The following SIRT2 variants were observed in gnomAD, a reference collection of about 807,000 sequenced individuals.
SIRT2 encodes NAD-dependent protein deacetylase sirtuin-2.
Under a neutral mutation model 57.4 loss-of-function variants are expected in SIRT2, and 40 were observed. The ratio of observed to expected loss-of-function variants is 0.70; its 90% confidence interval spans 0.54 to 0.91. The LOEUF is 0.91. Among genes scored for constraint, SIRT2 ranks in the 40% least tolerant of loss-of-function variants. SIRT2 has a pLI of 0.00. For synonymous variants in SIRT2, 161 were observed against 195.7 expected (o/e 0.82, Z 1.48); for missense variants, 439 against 510.4 (o/e 0.86, Z 1.35).
intron 2 of SIRT2, chr19:38,894,265 T>C (rs1205024904): frequency 4.3e-6 from 1 of 233,594 alleles, no homozygotes; most frequent in East Asian, 1.2e-4. Context: ...CCAGGCTCAT[T>C]TTTTGTTTGT....
At chr19:38,889,459 C>A in intron 7 of SIRT2, 1 of 660,040 alleles carries the variant, frequency 1.5e-6, no homozygotes, top group Non-Finnish European at 2.7e-6. Flanking sequence ...AGCCTCGCAG[C>A]AGCCCTCTTC....
chr19:38,883,144 G>A (rs1327923562), intron 9 of SIRT2, among the ~76,000 whole-genome samples: 1 of 147,476 alleles, frequency 6.8e-6, no homozygotes, highest in Non-Finnish European at 1.5e-5. Context: ...GCAATGGTGC[G>A]AACTCAGCTC....
intron 8 of SIRT2, among the ~76,000 whole-genome samples, chr19:38,885,887 C>T (rs1218684127): frequency 6.6e-6 from 1 of 152,152 alleles, no homozygotes; most frequent in African/African-American, 2.4e-5. Context: ...CTGCGCCCGG[C>T]CACTGTTTTC....
chr19:38,884,079 A>T (rs1973246832), intron 8 of SIRT2, among the ~76,000 whole-genome samples: 1 of 150,098 alleles, frequency 6.7e-6, no homozygotes, highest in East Asian at 2.0e-4. Context: ...CCTGAGCAAC[A>T]TATCAAGACG....
intron 2 of SIRT2, chr19:38,894,728 C>CT: frequency 2.2e-6 from 1 of 450,898 alleles, no homozygotes; most frequent in Non-Finnish European, 4.5e-6. Context: ...CCAGCAACCT[C>CT]TGTCTCCTTC....
intron 11 of SIRT2, 82 bp downstream of exon 11, chr19:38,881,018 G>GT: frequency 6.4e-7 from 1 of 1,551,516 alleles, no homozygotes. Flanking sequence ...CTTTCCTGAG[G>GT]CAGGGCCCAG....
chr19:38,882,207 A>T (rs930375884), intron 9 of SIRT2, among the ~76,000 whole-genome samples: 1 of 145,880 alleles, frequency 6.9e-6, no homozygotes, highest in Non-Finnish European at 1.5e-5. Flanking sequence ...TAGAGATGGG[A>T]TCTCCCTATG....
At position 38,879,722 on chromosome 19, in the gene SIRT2, T is replaced by C; in HGVS notation, c.877-20A>G. ...GTCCGACTGTCAGGGAGGGGGTGGG[T>C]CAGGGGCAGGAGCAGGGAAGGGAGA... On this transcript the variant is annotated intron_variant, in intron 13 of 15. Transcript: ENST00000249396. 1 of 1,553,398 alleles carries C rather than the reference T, an allele frequency of 6.4e-7. No individual in the cohort carries two copies. The highest frequency in any genetic ancestry group is 8.7e-7 in the Non-Finnish European group (1 of 1,146,542).
At chr19:38,892,217 G>A (rs1409454367) in intron 4 of SIRT2, among the ~76,000 whole-genome samples, 3 of 151,932 alleles carry the variant, frequency 2.0e-5, no homozygotes. Flanking sequence ...GCAACATGGT[G>A]AAACCCTGTC....
In SIRT2 at chr19:38,879,056, A is replaced by G; in HGVS notation, c.*99T>C. ...CTGTAAGAGATTGGGGGATGTTCTG[A>G]GCTCCCCAGACAAGAACTGCTGGTT... On this transcript the variant is annotated 3_prime_UTR_variant, in exon 16 of 16. Coordinates refer to ENST00000249396, the MANE Select transcript of SIRT2 (RefSeq NM_012237.4). The G allele has an allele frequency of 1.5e-6, 2 of 1,303,864 alleles. No individual in the cohort carries two copies. Among genetic ancestry groups the G allele is most frequent in the Non-Finnish European group, 2.1e-6 (2 of 963,486 alleles). 80.8% of individuals were successfully genotyped at this position (1,303,864 alleles called of 1,614,324 possible). A position where few individuals can be genotyped will look rare whatever the true frequency, so the allele number is the denominator to read the frequency against.
At chr19:38,887,995 C>A (rs1973397186) in intron 8 of SIRT2, among the ~76,000 whole-genome samples, 1 of 152,130 alleles carries the variant, frequency 6.6e-6, no homozygotes, top group South Asian at 2.1e-4. Flanking sequence ...ACCTCGTGAT[C>A]TGCCCACCTC....
chr19:38,899,443 G>C, intron 1 of SIRT2, 63 bp downstream of exon 1: 1 of 1,599,256 alleles, frequency 6.3e-7, no homozygotes, highest in Non-Finnish European at 8.5e-7. Flanking sequence ...TGGGCCCCGG[G>C]GCCTGCAGCA....
In SIRT2 at chr19:38,879,328, A is replaced by G. The variant is rs200428609; in HGVS notation, c.1015-18T>C. ...AGCTCCTTCTGCAGGAGCAAAGGTC[A>G]CAGAAGTCAAAGGTCACTGTGCATC... is the stretch of plus-strand genomic sequence containing the variant. On this transcript the variant is annotated intron_variant, in intron 15 of 15. Transcript: ENST00000249396. 1.5e-5 allele frequency: 25 copies of G among 1,613,084 alleles called. No individual in the cohort carries two copies. The highest frequency in any genetic ancestry group is 1.6e-4 in the Middle Eastern group (1 of 6,078).
intron 8 of SIRT2, among the ~76,000 whole-genome samples, chr19:38,887,650 TC>T (rs1973384767): frequency 6.6e-6 from 1 of 152,178 alleles, no homozygotes; most frequent in African/African-American, 2.4e-5. Flanking sequence ...AGCCAGTTGT[TC>T]CTCCCCCTGG....
chr19:38,899,602 C>T lies in SIRT2; in HGVS notation c.-81G>A. On this transcript the variant is annotated 5_prime_UTR_variant, in exon 1 of 16. Coordinates refer to ENST00000249396, the MANE Select transcript of SIRT2 (RefSeq NM_012237.4). ...CCACTGTGTCCCGTCACCGACTGCT[C>T]TGTCCTGTCACCGACTGCTCTGTCC... The T allele has an allele frequency of 1.3e-6, 2 of 1,584,828 alleles. No individual in the cohort carries two copies. Among genetic ancestry groups the T allele is most frequent in the Non-Finnish European group, 1.7e-6 (2 of 1,154,288 alleles).
chr19:38,899,597 C>A lies in SIRT2; in HGVS notation c.-76G>T. 1 of 1,590,008 alleles carries A rather than the reference C, an allele frequency of 6.3e-7. No homozygotes were observed. The highest frequency in any genetic ancestry group is 8.6e-7 in the Non-Finnish European group (1 of 1,158,796). ...ACCAACCACTGTGTCCCGTCACCGA[C>A]TGCTCTGTCCTGTCACCGACTGCTC... On this transcript the variant is annotated 5_prime_UTR_variant, in exon 1 of 16. Coordinates refer to ENST00000249396, the MANE Select transcript of SIRT2 (RefSeq NM_012237.4).
At chr19:38,889,217 A>G in intron 7 of SIRT2, 62 bp from the exon 8 acceptor site, 1 of 1,480,962 alleles carries the variant, frequency 6.8e-7, no homozygotes, top group Non-Finnish European at 9.4e-7. Context: ...CCACTGCCGC[A>G]TGCCAGGAAC....
chr19:38,879,534 G>C, intron 14 of SIRT2, 34 bp from the exon 15 acceptor site: 4 of 1,581,312 alleles, frequency 2.5e-6, no homozygotes, highest in Non-Finnish European at 3.4e-6. Context: ...GTTCCCAGGC[G>C]GGCTCGCCCC....
Position 38,880,870 on chromosome 19 carries a change from C to A in SIRT2, c.775G>T (p.Val259Phe). The change falls in exon 12 of 16, where the codon GTC becomes TTC. Residue 259 changes from valine to phenylalanine, a missense_variant. Transcript: ENST00000249396. The surrounding 1 kb of genome is among the most constrained non-coding windows in gnomAD (Gnocchi z 4.1). ...TGCACCTGCAAGGAGGTACCCATGA[C>A]CAGGAGGAGGTCCACCTTCAGGAAG... ...SDFLKVDLLLVMGTSLQVQPF... is the reference protein window; with the variant it reads ...SDFLKVDLLLFMGTSLQVQPF... 6.2e-7 allele frequency: 1 copy of A among 1,613,802 alleles called. No individual in the cohort carries two copies. Among genetic ancestry groups the A allele is most frequent in the South Asian group, 1.1e-5 (1 of 91,064 alleles).
Sources: gnomAD v4.1 joint callset for allele counts (sites outside exome capture counted in the v4.1 genomes callset) on GRCh38, gnomAD v4.1.1 for gene constraint, Gnocchi (gnomAD v3.1) non-coding constraint, MANE v1.5 for transcripts, NCBI Gene and HGNC (gene_info 2026-07-23, HGNC 2026-07-21) for gene names.